The following SEZ6 variants were observed in gnomAD, a reference collection of about 807,000 sequenced individuals.
SEZ6 encodes the protein seizure protein 6 homolog.
In SEZ6, 53 loss-of-function variants were observed where a neutral mutation model predicts 101.0. That is an observed-to-expected ratio of 0.52 (90% confidence interval 0.42 to 0.66). The LOEUF (loss-of-function observed/expected upper bound fraction) is 0.66. Ranked by LOEUF, SEZ6 falls within the 30% of genes least tolerant of loss-of-function variation. The probability of loss-of-function intolerance (pLI) is 0.00; values close to 1 mark genes in which losing one functional copy is unlikely to be tolerated. For missense variants in SEZ6, 1,102 were observed against 1,289.4 expected (o/e 0.85, Z 2.23); for synonymous variants, 488 against 512.2 (o/e 0.95, Z 0.64).
chr17:28,997,881 C>T (rs2041563210), intron 1 of SEZ6, among the ~76,000 whole-genome samples: 1 of 152,180 alleles, frequency 6.6e-6, no homozygotes, highest in Non-Finnish European at 1.5e-5. Context: ...CAGCCTTCTT[C>T]CTCTTATGTT....
chr17:28,993,773 T>C (rs887108019), intron 1 of SEZ6, among the ~76,000 whole-genome samples: 2 of 152,180 alleles, frequency 1.3e-5, no homozygotes, highest in Admixed American at 6.5e-5. Context: ...GCCAGCATCT[T>C]TGGACTACTG....
At position 28,955,412 on chromosome 17, in the gene SEZ6, G is replaced by A; in HGVS notation, c.*550C>T. 2.9e-6 allele frequency: 1 copy of A among 341,376 alleles called. No individual in the cohort carries two copies. The highest frequency in any genetic ancestry group is 5.8e-6 in the Non-Finnish European group (1 of 171,264). 21.1% of individuals were successfully genotyped at this position (341,376 alleles called of 1,614,324 possible). A position where few individuals can be genotyped will look rare whatever the true frequency, so the allele number is the denominator to read the frequency against. On this transcript the variant is annotated 3_prime_UTR_variant, in exon 17 of 17. Coordinates refer to ENST00000317338, the MANE Select transcript of SEZ6 (RefSeq NM_178860.5). ...TGCCTCCACTGGGACAGGGCAGGAG[G>A]CAGAACTGTCCAGAACTTTAGAGAA...
intron 1 of SEZ6, among the ~76,000 whole-genome samples, chr17:29,000,873 C>T (rs1598216730): frequency 6.6e-6 from 1 of 152,056 alleles, no homozygotes; most frequent in East Asian, 1.9e-4. Context: ...CTGCCAATAC[C>T]CACCTGTGCA....
chr17:29,002,899 C>T (rs928911960), intron 1 of SEZ6, among the ~76,000 whole-genome samples: 3 of 152,172 alleles, frequency 2.0e-5, no homozygotes, highest in African/African-American at 4.8e-5. Context: ...CCCTTCCAGA[C>T]ATCATCCCTC....
chr17:28,988,699 A>G (rs148881201), intron 1 of SEZ6, among the ~76,000 whole-genome samples: 2,473 of 152,336 alleles, frequency 0.016, 60 homozygotes, highest in African/African-American at 0.056. Flanking sequence ...CAGTCCAGTC[A>G]AATTTGGATT....
intron 1 of SEZ6, among the ~76,000 whole-genome samples, chr17:28,997,766 C>T (rs891149849): frequency 6.6e-6 from 1 of 152,118 alleles, no homozygotes; most frequent in Admixed American, 6.5e-5. Flanking sequence ...GGGGCAGGGA[C>T]AGGCATCATG....
rs771455147 is a variant in SEZ6 at position 28,957,071 on chromosome 17, C to T, written c.2666G>A (p.Ser889Asn). 4 of 1,604,604 alleles carry T rather than the reference C, an allele frequency of 2.5e-6. No individual in the cohort carries two copies. The highest frequency in any genetic ancestry group is 3.4e-6 in the Non-Finnish European group (4 of 1,173,756). The change falls in exon 13 of 17, where the codon AGT becomes AAT. Residue 889 changes from serine to asparagine, a missense_variant. Coordinates refer to ENST00000317338, the MANE Select transcript of SEZ6 (RefSeq NM_178860.5). ...KCVPGHPSHW[S>N]DPPPICRAAS... ...AGCCCTACAGATGGGTGGGGGGTCA[C>T]TCCAATGCGAGGGGTGCCCAGGCAC... is the stretch of plus-strand genomic sequence containing the variant.
intron 1 of SEZ6, among the ~76,000 whole-genome samples, chr17:28,988,761 G>A (rs1463661949): frequency 6.6e-6 from 1 of 152,222 alleles, no homozygotes; most frequent in Non-Finnish European, 1.5e-5. Flanking sequence ...GTGGGGCAGT[G>A]GCTGGTTCCC....
In SEZ6 at chr17:28,969,903, A is replaced by C. The variant is rs1471034410; in HGVS notation, c.908T>G (p.Leu303Arg). Residue 303 changes from leucine (L) to arginine (R), a missense_variant, in exon 4 of 17, where the codon CTG (leucine) becomes CGG (arginine). By Grantham distance (102) the Leu-to-Arg change is moderately radical (BLOSUM62 -2). Transcript: ENST00000317338. ...CAGGGGCAGTGGGTCAGGCCCCCCCAGGCCTTCCACAGTCACTGTCTCCCC... is the reference window on the plus strand; with the variant it reads ...CAGGGGCAGTGGGTCAGGCCCCCCCCGGCCTTCCACAGTCACTGTCTCCCC... ...REGETVTVEG[L>R]GGPDPLPLAN... 2 of 1,546,406 alleles carry C rather than the reference A, an allele frequency of 1.3e-6. No individual in the cohort carries two copies. The highest frequency in any genetic ancestry group is 2.2e-5 in the Admixed American group (1 of 45,714).
chr17:28,960,424 G>A (rs1374333077), intron 7 of SEZ6, 81 bp downstream of exon 7: 1 of 1,512,424 alleles, frequency 6.6e-7, no homozygotes, highest in African/African-American at 1.4e-5. Context: ...GGCAGAGAGG[G>A]GTAGGGTGTG....
Position 28,982,989 on chromosome 17 carries a change from G to T in SEZ6, c.56-950C>A, listed in dbSNP as rs542389147. Among the ~76,000 whole-genome samples, 42 of 152,278 alleles carry T rather than the reference G, an allele frequency of 2.8e-4. 1 individual carries two copies. The South Asian group carries it at 7.7e-3, about 28-fold the overall frequency. On this transcript the variant is annotated intron_variant, in intron 1 of 16. Coordinates refer to ENST00000317338, the MANE Select transcript of SEZ6 (RefSeq NM_178860.5). ...CCATGGGTGCATGACTTCTTTGTTA[G>T]GGGCCCAGTAGTTTCTCTCCGTTCT...
intron 5 of SEZ6, 37 bp from the exon 6 acceptor site, chr17:28,961,010 G>A (rs2040970044): frequency 7.6e-6 from 12 of 1,585,508 alleles, no homozygotes; most frequent in Non-Finnish European, 1.0e-5. Context: ...CTAGGCCCCT[G>A]CCTGAACCCA....
chr17:28,972,153 G>C (rs879687480), intron 3 of SEZ6, among the ~76,000 whole-genome samples: 9 of 152,238 alleles, frequency 5.9e-5, no homozygotes, highest in Non-Finnish European at 1.3e-4. Flanking sequence ...CGCATCGTCT[G>C]CCTCCCAGGC....
intron 2 of SEZ6, among the ~76,000 whole-genome samples, chr17:28,980,572 G>A (rs2041286261): frequency 6.6e-6 from 1 of 151,836 alleles, no homozygotes; most frequent in African/African-American, 2.4e-5. Flanking sequence ...GGGTTTCACC[G>A]TGTTAGCAAG....
chr17:28,992,633 C>T (rs1164366472), intron 1 of SEZ6, among the ~76,000 whole-genome samples: 2 of 152,194 alleles, frequency 1.3e-5, no homozygotes, highest in East Asian at 3.9e-4. Flanking sequence ...ACCTGACCCG[C>T]CCCAGGGCCA....
chr17:28,996,143 GCGGGT>G (rs1568003041), intron 1 of SEZ6, among the ~76,000 whole-genome samples: 1 of 151,286 alleles, frequency 6.6e-6, no homozygotes, highest in East Asian at 2.0e-4. Context: ...TGGGACTACA[GCGGGT>G]GCCTGTAGTC....
At chr17:28,980,069 C>T (rs1230025682) in intron 2 of SEZ6, among the ~76,000 whole-genome samples, 1 of 151,266 alleles carries the variant, frequency 6.6e-6, no homozygotes, top group African/African-American at 2.4e-5. Context: ...GGATAGTCTC[C>T]ATCTCCTGAC....
At chr17:28,974,430 C>T (rs1325525515) in intron 3 of SEZ6, among the ~76,000 whole-genome samples, 1 of 152,186 alleles carries the variant, frequency 6.6e-6, no homozygotes, top group Non-Finnish European at 1.5e-5. Context: ...ATTCGCATGC[C>T]CTCACACACC....
chr17:29,001,392 A>C (rs2041612708), intron 1 of SEZ6, among the ~76,000 whole-genome samples: 1 of 152,186 alleles, frequency 6.6e-6, no homozygotes, highest in African/African-American at 2.4e-5. Flanking sequence ...CAAGATGGGG[A>C]CCTGGATGGG....
Sources: allele counts gnomAD v4.1 joint callset (sites outside exome capture counted in the v4.1 genomes callset), GRCh38; gene constraint gnomAD v4.1.1; transcripts MANE v1.5; gene names NCBI Gene and HGNC (gene_info 2026-07-23, HGNC 2026-07-21).